Variants in ACOT9 observed in about 807,000 individuals in gnomAD.
ACOT9 encodes acyl-CoA thioesterase 9.
A neutral mutation model predicts 39.7 loss-of-function variants in ACOT9; 34 were observed. The observed-to-expected ratio is 0.86, with a 90% CI of 0.65 to 1.14. ACOT9 has a LOEUF of 1.14. Ranked by LOEUF, ACOT9 falls within the 50% of genes most tolerant of loss-of-function variation. The pLI is 0.00. For synonymous variants in ACOT9, 110 were observed against 120.5 expected (o/e 0.91, Z 0.57); for missense variants, 313 against 344.1 (o/e 0.91, Z 0.71).
At chrX:23,722,074 C>T in intron 7 of ACOT9, 90 bp from the exon 8 acceptor site, 1 of 528,495 alleles carries the variant, frequency 1.9e-6, no homozygotes. Context: ...GCAAATTCCA[C>T]TACATTTCTT....
chrX:23,733,083 C>T (rs915591262), intron 4 of ACOT9, 89 bp downstream of exon 4: 1 of 878,403 alleles, frequency 1.1e-6, no homozygotes, highest in East Asian at 3.2e-5. Flanking sequence ...GGCTCCCCAT[C>T]CCCACTGTGA....
Position 23,705,094 on chromosome X carries a change from G to C in ACOT9, c.1020-14C>G, listed in dbSNP as rs765433148. 8.3e-7 allele frequency: 1 copy of C among 1,198,903 alleles called. No individual in the cohort carries two copies. The highest frequency in any genetic ancestry group is 3.0e-5 in the East Asian group (1 of 33,781). On this transcript the variant is annotated splice_polypyrimidine_tract_variant and intron_variant, in intron 13 of 15. Transcript: ENST00000379303. ...GGTCGAGAACCACTGTTGGGGGAAAGGACAGAATTTGGGGTATATTGCAAA... is the reference window on the plus strand; with the variant it reads ...GGTCGAGAACCACTGTTGGGGGAAACGACAGAATTTGGGGTATATTGCAAA...
At chrX:23,728,386 G>A (rs184490568) in intron 6 of ACOT9, among the ~76,000 whole-genome samples, 43 of 110,733 alleles carry the variant, frequency 3.9e-4, no homozygotes, top group African/African-American at 1.2e-3. Flanking sequence ...GGTAAGGTGA[G>A]GGGAGCATCC....
At chrX:23,724,528 T>C (rs958382229) in intron 6 of ACOT9, among the ~76,000 whole-genome samples, 1 of 109,496 alleles carries the variant, frequency 9.1e-6, no homozygotes, top group African/African-American at 3.3e-5. Flanking sequence ...TCCCAGCACT[T>C]TGGAAGACAG....
At chrX:23,707,232 G>A (rs1308303143) in intron 10 of ACOT9, 1 of 109,184 alleles carries the variant, frequency 9.2e-6, no homozygotes, top group East Asian at 2.9e-4. Context: ...CCAGGAGATC[G>A]AGACTACAAT....
chrX:23,735,439 A>C (rs1430865525), intron 2 of ACOT9, among the ~76,000 whole-genome samples: 2 of 110,601 alleles, frequency 1.8e-5, no homozygotes, highest in Non-Finnish European at 3.8e-5. Flanking sequence ...CATAATATAA[A>C]TTTATTTGGA....
At chrX:23,725,967 G>A (rs1929507493) in intron 6 of ACOT9, among the ~76,000 whole-genome samples, 1 of 111,264 alleles carries the variant, frequency 9.0e-6, no homozygotes, top group South Asian at 3.8e-4. Context: ...GGGAGGCCGA[G>A]GCGAGTGGAT....
chrX:23,717,917 G>C (rs1204811852), intron 8 of ACOT9, among the ~76,000 whole-genome samples: 1 of 110,935 alleles, frequency 9.0e-6, no homozygotes, highest in Non-Finnish European at 1.9e-5. Context: ...GTGAAACCCG[G>C]TCTGTATAAA....
chrX:23,721,235 C>T (rs983858571), intron 8 of ACOT9, among the ~76,000 whole-genome samples: 2 of 110,295 alleles, frequency 1.8e-5, no homozygotes, highest in Non-Finnish European at 3.8e-5. Flanking sequence ...AGATTACAGG[C>T]GTGCACCACC....
intron 15 of ACOT9, among the ~76,000 whole-genome samples, chrX:23,704,470 A>G (rs911791547): frequency 1.9e-5 from 2 of 106,936 alleles, no homozygotes; most frequent in Non-Finnish European, 3.8e-5. Context: ...ATGAGCCACC[A>G]CGCCCAGCCT....
intron 8 of ACOT9, among the ~76,000 whole-genome samples, chrX:23,716,835 C>T (rs770453127): frequency 1.8e-5 from 2 of 109,802 alleles, no homozygotes; most frequent in South Asian, 4.0e-4. Flanking sequence ...CACAGGCGCA[C>T]GCCACCACAC....
intron 1 of ACOT9, among the ~76,000 whole-genome samples, chrX:23,739,751 C>G (rs1930069505): frequency 9.1e-6 from 1 of 110,347 alleles, no homozygotes; most frequent in African/African-American, 3.3e-5. Flanking sequence ...GAGCCATGAT[C>G]GCACCACTGC....
rs1429111869 is a variant in ACOT9, at chrX:23,723,624, G to C, written c.401-871C>G. On this transcript the variant is annotated intron_variant, in intron 6 of 15. Coordinates refer to ENST00000379303, the MANE Select transcript of ACOT9 (RefSeq NM_001037171.2). ...CAAAAAAAAAAAAAAAAAAAAAAAAGTTGTATGATTATATGTTGATTGGCT... is the reference window on the plus strand; with the variant it reads ...CAAAAAAAAAAAAAAAAAAAAAAAACTTGTATGATTATATGTTGATTGGCT... Among the ~76,000 whole-genome samples the C allele has an allele frequency of 5.3e-5, 5 of 94,066 alleles. No individual in the cohort carries two copies. The East Asian group carries it at 2.0e-3, about 38-fold the overall frequency. The allele number at this position is 94,066 out of a possible 115,157, so 81.7% of individuals were successfully genotyped here.
chrX:23,735,983 A>G lies in ACOT9; in HGVS notation c.54T>C (p.Pro18=), dbSNP rs1009124042. 1.3e-5 allele frequency: 16 copies of G among 1,210,797 alleles called. No individual in the cohort carries two copies. The highest frequency in any genetic ancestry group is 1.8e-5 in the Non-Finnish European group (16 of 895,061). ...LCALGKGQLT[P]GRGLTQGPQN... is the part of the protein sequence containing the mutation. ...GGGGTCCTTGAGTCAGTCCTCTTCC[A>G]GGAGTAAGCTGCCCTTTGCCCAAGG... Residue 18 remains proline (P), a synonymous_variant, in exon 2 of 16, where the codon CCT becomes CCC. Transcript: ENST00000379303.
chrX:23,710,635 C>T (rs1327967324), intron 9 of ACOT9, among the ~76,000 whole-genome samples: 1 of 111,870 alleles, frequency 8.9e-6, no homozygotes, highest in African/African-American at 3.3e-5. Context: ...GAGAGGATCA[C>T]TTGAGCCCAG....
intron 1 of ACOT9, among the ~76,000 whole-genome samples, 162 bp downstream of exon 1, chrX:23,742,963 T>C (rs1307416944): frequency 8.9e-6 from 1 of 112,890 alleles, no homozygotes; most frequent in East Asian, 2.8e-4. Context: ...CCGGCGGGCT[T>C]ATGTCCGGTC....
At chrX:23,723,186 T>C (rs1163071125) in intron 6 of ACOT9, among the ~76,000 whole-genome samples, 1 of 111,956 alleles carries the variant, frequency 8.9e-6, no homozygotes, top group Non-Finnish European at 1.9e-5. Flanking sequence ...CACTCAGTTA[T>C]CCCTCCTTCC....
rs1020581553 is a variant in ACOT9 at position 23,724,772 on chromosome X, A to C, written c.401-2019T>G. ...GGGTGACAGAGCAAGACCCTATTCCAAAAAAACAAAACAAATTAGCCAGGC... is the reference window on the plus strand; with the variant it reads ...GGGTGACAGAGCAAGACCCTATTCCCAAAAAACAAAACAAATTAGCCAGGC... On this transcript the variant is annotated intron_variant, in intron 6 of 15. Transcript: ENST00000379303. Among the ~76,000 whole-genome samples the C allele has an allele frequency of 2.7e-5, 3 of 109,598 alleles. 1 individual carries two copies. The South Asian group carries it at 1.2e-3, about 44-fold the overall frequency.
At chrX:23,734,204 T>G in intron 3 of ACOT9, 137 bp downstream of exon 3, 1 of 483,480 alleles carries the variant, frequency 2.1e-6, no homozygotes, top group Non-Finnish European at 3.5e-6. Context: ...GCCAGAAAAA[T>G]GAAGCAAAGA....
Sources: allele counts gnomAD v4.1 joint callset (sites outside exome capture counted in the v4.1 genomes callset), GRCh38; gene constraint gnomAD v4.1.1; transcripts MANE v1.5; gene names NCBI Gene and HGNC (gene_info 2026-07-23, HGNC 2026-07-21).